Variants in RORA observed in about 807,000 individuals in gnomAD.
The protein encoded by RORA is RAR related orphan receptor A.
Under a neutral mutation model 69.5 loss-of-function variants are expected in RORA, and 7 were observed. The ratio of observed to expected loss-of-function variants is 0.10; its 90% confidence interval spans 0.06 to 0.19. The LOEUF is 0.19. RORA is among the 10% of genes least tolerant of loss of function. The pLI, the probability that RORA is intolerant of heterozygous loss-of-function variation, is 1.00. For synonymous variants in RORA, 261 were observed against 240.8 expected, an observed-to-expected ratio of 1.08 and a Z score of -0.78; for missense variants, 457 against 663.0, an observed-to-expected ratio of 0.69 and a Z score of 3.41.
chr15:60,908,819 G>A lies in RORA; in HGVS notation c.167-230133C>T, dbSNP rs1891619630. 2.0e-5 allele frequency among the ~76,000 whole-genome samples: 3 copies of A among 151,984 alleles called. 1 individual carries two copies. The South Asian group carries it at 6.2e-4, about 32-fold the overall frequency. On this transcript the variant is annotated intron_variant, in intron 1 of 10. Coordinates refer to ENST00000335670, the MANE Select transcript of RORA (RefSeq NM_134261.3). ...CCAAGAATTGAGGCGATTATGCCCT[G>A]CATGCTGCTTGGTATACTGAAGATG...
At chr15:61,196,478 T>C (rs993519766) in intron 1 of RORA, among the ~76,000 whole-genome samples, 2 of 152,212 alleles carry the variant, frequency 1.3e-5, no homozygotes, top group Non-Finnish European at 2.9e-5. Context: ...CTAATGATCT[T>C]CTCAGAAGGA....
intron 1 of RORA, among the ~76,000 whole-genome samples, chr15:60,958,473 C>A (rs188906860): frequency 3.9e-5 from 6 of 152,106 alleles, no homozygotes; most frequent in Admixed American, 1.3e-4. Context: ...AAATTTTGCC[C>A]CTGAAACTGA....
At chr15:61,033,692 G>A (rs1331708137) in intron 1 of RORA, among the ~76,000 whole-genome samples, 1 of 128,190 alleles carries the variant, frequency 7.8e-6, no homozygotes, top group East Asian at 2.3e-4. Context: ...TATGAAATGT[G>A]GCCAGTCTGA....
chr15:61,119,395 A>G (rs1033365027), intron 1 of RORA, among the ~76,000 whole-genome samples: 9 of 148,402 alleles, frequency 6.1e-5, no homozygotes, highest in African/African-American at 2.3e-4. Flanking sequence ...ATATGTATAT[A>G]TATATATATA....
At chr15:61,066,024 G>C (rs1056128870) in intron 1 of RORA, among the ~76,000 whole-genome samples, 8 of 152,198 alleles carry the variant, frequency 5.3e-5, no homozygotes, top group African/African-American at 1.9e-4. Flanking sequence ...TTCTGGGCTA[G>C]GGTTTGGGCC....
chr15:60,862,121 AC>A (rs1275890225), intron 1 of RORA, among the ~76,000 whole-genome samples: 2 of 152,246 alleles, frequency 1.3e-5, no homozygotes, highest in Non-Finnish European at 2.9e-5. Context: ...CACTTTATGA[AC>A]ATCTGCTATA....
intron 2 of RORA, among the ~76,000 whole-genome samples, chr15:60,650,090 T>C (rs1448639407): frequency 6.6e-6 from 1 of 152,048 alleles, no homozygotes; most frequent in African/African-American, 2.4e-5. Flanking sequence ...AACTTTATCT[T>C]TACAATAAAA....
At chr15:60,761,442 G>C (rs910949261) in intron 1 of RORA, among the ~76,000 whole-genome samples, 2 of 152,128 alleles carry the variant, frequency 1.3e-5, no homozygotes, top group African/African-American at 4.8e-5. Context: ...TTATCTTATG[G>C]TAAATGTGTA....
intron 1 of RORA, among the ~76,000 whole-genome samples, chr15:60,850,971 T>C (rs1407563082): frequency 1.3e-5 from 2 of 152,138 alleles, no homozygotes; most frequent in East Asian, 1.9e-4. Context: ...TCATTCTTTT[T>C]CCCTCACACA....
At chr15:60,908,406 T>G (rs1256578831) in intron 1 of RORA, among the ~76,000 whole-genome samples, 3 of 152,030 alleles carry the variant, frequency 2.0e-5, no homozygotes, top group Admixed American at 1.3e-4. Flanking sequence ...TGCCCTATTT[T>G]CCCCCCTCCA....
chr15:60,861,613 C>T (rs562550183), intron 1 of RORA, among the ~76,000 whole-genome samples: 1 of 152,172 alleles, frequency 6.6e-6, no homozygotes, highest in Non-Finnish European at 1.5e-5. Flanking sequence ...CTTAGCCTCA[C>T]GAGTACCTGA....
intron 3 of RORA, among the ~76,000 whole-genome samples, chr15:60,515,981 TTATATATATTTA>T (rs1567051063): frequency 5.9e-4 from 4 of 6,818 alleles, no homozygotes; most frequent in Admixed American, 2.5e-3. Context: ...ATTTATATAT[TTATATATATTTA>T]TATATATTTA....
At chr15:60,858,023 C>G (rs1217319851) in intron 1 of RORA, among the ~76,000 whole-genome samples, 3 of 152,236 alleles carry the variant, frequency 2.0e-5, no homozygotes, top group Admixed American at 2.0e-4. Flanking sequence ...TCACTGACTT[C>G]AGGACAGCAC....
At position 60,790,436 on chromosome 15, in the gene RORA, C is replaced by G. The variant is rs117093017; in HGVS notation, c.167-111750G>C. Among the ~76,000 whole-genome samples the G allele has an allele frequency of 1.6e-3, 245 of 152,328 alleles. 3 individuals carry two copies. The East Asian group carries it at 0.031, about 19-fold the overall frequency. On this transcript the variant is annotated intron_variant, in intron 1 of 10. Transcript: ENST00000335670. ...CGCTGATGGAGAGGCTAGTGGAAAG[C>G]TGTATTTCCTTCAAGAAGCTGGGAT...
At chr15:60,560,932 C>A (rs188077782) in intron 2 of RORA, among the ~76,000 whole-genome samples, 2 of 152,204 alleles carry the variant, frequency 1.3e-5, no homozygotes, top group East Asian at 1.9e-4. Context: ...ACTGCAGAGA[C>A]AACCAAGTCT....
intron 1 of RORA, among the ~76,000 whole-genome samples, chr15:60,769,311 C>T (rs187268537): frequency 6.6e-6 from 1 of 152,094 alleles, no homozygotes; most frequent in African/African-American, 2.4e-5. Context: ...AAGCAGAAAA[C>T]CTGTTAACTC....
chr15:61,089,483 C>T (rs2078673532), intron 1 of RORA, among the ~76,000 whole-genome samples: 1 of 152,122 alleles, frequency 6.6e-6, no homozygotes, highest in South Asian at 2.1e-4. Flanking sequence ...ATGGCTGAGA[C>T]CTGCATGGCT....
At chr15:61,007,658 T>A (rs1171035699) in intron 1 of RORA, among the ~76,000 whole-genome samples, 1 of 150,762 alleles carries the variant, frequency 6.6e-6, no homozygotes, top group Non-Finnish European at 1.5e-5. Context: ...TATGACAGCA[T>A]GATCAATGAA....
At position 61,065,072 on chromosome 15, in the gene RORA, G is replaced by A. The variant is rs1169159155; in HGVS notation, c.166+163981C>T. ...CAGAATGTATCACAAATTAACAATA[G>A]TGTTATCACTGGAAACTCAGCTCAA... On this transcript the variant is annotated intron_variant, in intron 1 of 10. Transcript: ENST00000335670. 2.0e-5 allele frequency among the ~76,000 whole-genome samples: 3 copies of A among 152,164 alleles called. No homozygotes were observed. In the East Asian group the frequency reaches 5.8e-4, roughly 29 times the overall value.
Sources: gnomAD v4.1 joint callset for allele counts (sites outside exome capture counted in the v4.1 genomes callset) on GRCh38, gnomAD v4.1.1 for gene constraint, MANE v1.5 for transcripts, NCBI Gene and HGNC (gene_info 2026-07-23, HGNC 2026-07-21) for gene names.